ARHGEF4: variants seen among roughly 807,000 people sequenced by gnomAD.
ARHGEF4 encodes the protein Rho guanine nucleotide exchange factor 4.
ARHGEF4 carries 119 observed loss-of-function variants against 162.0 expected under a neutral mutation model. The ratio of observed to expected loss-of-function variants is 0.73; its 90% CI spans 0.63 to 0.86. ARHGEF4 has a LOEUF of 0.86. ARHGEF4 is among the 40% of genes least tolerant of loss of function. The pLI is 0.00. For synonymous variants in ARHGEF4, 1,014 were observed against 979.9 expected (o/e 1.03, Z -0.65); for missense variants, 2,488 against 2,456.0 (o/e 1.01, Z -0.28).
rs2105058269 is a variant in ARHGEF4, at chr2:130,916,589, G to A, written c.2643G>A (p.Gly881=). The change falls in exon 2 of 14, where the codon GGG becomes GGA. Residue 881 remains glycine (G), a synonymous_variant. Coordinates refer to ENST00000409359, the MANE Select transcript of ARHGEF4 (RefSeq NM_001367493.1). ...PAGAGHTGTS[G]DLGSRGPSSE... ...GAGCGGGGCACACGGGGACCTCAGGGGATCTTGGTAGCCGAGGGCCTTCCT... is the reference window on the plus strand; with the variant it reads ...GAGCGGGGCACACGGGGACCTCAGGAGATCTTGGTAGCCGAGGGCCTTCCT... The A allele has an allele frequency of 6.4e-7, 1 of 1,550,548 alleles. No homozygotes were observed. Among genetic ancestry groups the A allele is most frequent in the Non-Finnish European group, 8.7e-7 (1 of 1,146,972 alleles).
chr2:130,952,669 G>A (rs1379871162), intron 4 of ARHGEF4, among the ~76,000 whole-genome samples: 17 of 152,242 alleles, frequency 1.1e-4, no homozygotes, highest in African/African-American at 3.4e-4. Context: ...AAACCCCATC[G>A]TTTCAGCCCA....
chr2:130,873,367 TCAC>T (rs1678614745), intron 1 of ARHGEF4, among the ~76,000 whole-genome samples: 1 of 152,028 alleles, frequency 6.6e-6, no homozygotes, highest in African/African-American at 2.4e-5. Flanking sequence ...GGCGGGTGGA[TCAC>T]CTGAGATCAG....
intron 1 of ARHGEF4, among the ~76,000 whole-genome samples, chr2:130,872,061 G>A (rs1164937757): frequency 1.3e-5 from 2 of 152,242 alleles, no homozygotes; most frequent in Non-Finnish European, 2.9e-5. Context: ...CCGCAGCGCG[G>A]TTCAGGTCAG....
chr2:130,935,898 C>T (rs1682915554), intron 3 of ARHGEF4, among the ~76,000 whole-genome samples: 1 of 152,166 alleles, frequency 6.6e-6, no homozygotes, highest in Non-Finnish European at 1.5e-5. Flanking sequence ...GAAACCCAGT[C>T]TCTACTAAAA....
At chr2:131,002,436 C>T (rs1042490779) in intron 4 of ARHGEF4, among the ~76,000 whole-genome samples, 6 of 151,800 alleles carry the variant, frequency 4.0e-5, no homozygotes, top group Non-Finnish European at 5.9e-5. Flanking sequence ...ATTAGCTGGG[C>T]GTAGTGGCTC....
intron 4 of ARHGEF4, among the ~76,000 whole-genome samples, chr2:131,005,506 C>T (rs183832496): frequency 7.9e-5 from 12 of 152,260 alleles, no homozygotes; most frequent in Non-Finnish European, 1.5e-4. Flanking sequence ...TGTTGAAGTG[C>T]GCCTCTGGGG....
intron 4 of ARHGEF4, among the ~76,000 whole-genome samples, chr2:130,995,888 C>CT (rs1184456550): frequency 0.064 from 8,696 of 136,842 alleles, 384 homozygotes; most frequent in East Asian, 0.19. Flanking sequence ...TATTATTCAC[C>CT]TTTTTTTTTT....
rs10206074 is a variant in ARHGEF4 at position 131,041,776 on chromosome 2, T to A, written c.4896-39T>A. The A allele has an allele frequency of 5.0e-6, 8 of 1,603,182 alleles. No homozygotes were observed. In the African/African-American group the frequency reaches 1.1e-4, roughly 21 times the overall value. ...AGGGGATCCTCACCCTTTCTCTGTC[T>A]CCAGCCTGCAGCAGCCTTCCATCTC... is the stretch of plus-strand genomic sequence containing the variant. On this transcript the variant is annotated intron_variant, in intron 9 of 13. Transcript: ENST00000409359.
At chr2:130,959,014 T>C (rs1684466755) in intron 4 of ARHGEF4, among the ~76,000 whole-genome samples, 1 of 151,866 alleles carries the variant, frequency 6.6e-6, no homozygotes, top group Admixed American at 6.6e-5. Flanking sequence ...TGATCTTGGC[T>C]CACTGCAACC....
At chr2:130,887,786 C>T (rs565735330) in intron 1 of ARHGEF4, among the ~76,000 whole-genome samples, 1 of 152,286 alleles carries the variant, frequency 6.6e-6, no homozygotes, top group South Asian at 2.1e-4. Context: ...GCCCGGCTGT[C>T]CTCACCATGT....
intron 4 of ARHGEF4, among the ~76,000 whole-genome samples, chr2:130,948,854 T>A (rs1683781105): frequency 6.6e-6 from 1 of 152,208 alleles, no homozygotes; most frequent in Non-Finnish European, 1.5e-5. Context: ...TTTTCCTATT[T>A]TGTAAGGATA....
intron 1 of ARHGEF4, among the ~76,000 whole-genome samples, chr2:130,843,920 G>C (rs115564960): frequency 1.1e-4 from 17 of 152,190 alleles, no homozygotes; most frequent in Admixed American, 8.5e-4. Context: ...CTCCAAACTT[G>C]GGTGGAGCAC....
rs140728743 is a variant in ARHGEF4, at chr2:130,959,781, G to C, written c.3985+13146G>C. Among the ~76,000 whole-genome samples, 23 of 152,318 alleles carry C rather than the reference G, an allele frequency of 1.5e-4. 2 individuals carry two copies. In the East Asian group the frequency reaches 4.4e-3, roughly 29 times the overall value. On this transcript the variant is annotated intron_variant, in intron 4 of 13. Transcript: ENST00000409359. Reference sequence around the variant, plus strand: ...AAGAGACAGAACTGAACCCAGGATTGAACCCACATCACTCTGGCCTTTGGC... The same window carrying C: ...AAGAGACAGAACTGAACCCAGGATTCAACCCACATCACTCTGGCCTTTGGC...
chr2:130,966,676 C>G (rs368497531), intron 4 of ARHGEF4, among the ~76,000 whole-genome samples: 1 of 152,298 alleles, frequency 6.6e-6, no homozygotes, highest in Admixed American at 6.5e-5. Context: ...CATGCCGGTC[C>G]GGTGGTGCGT....
At chr2:130,891,019 C>T (rs1193355265) in intron 1 of ARHGEF4, among the ~76,000 whole-genome samples, 1 of 152,152 alleles carries the variant, frequency 6.6e-6, no homozygotes, top group Admixed American at 6.5e-5. Flanking sequence ...TTGATCCTTG[C>T]TTAGAATCTA....
chr2:130,988,055 G>C (rs1004610487), intron 4 of ARHGEF4, among the ~76,000 whole-genome samples: 1 of 152,184 alleles, frequency 6.6e-6, no homozygotes, highest in African/African-American at 2.4e-5. Flanking sequence ...GAGGATTAAA[G>C]GAAGTCATGC....
intron 4 of ARHGEF4, among the ~76,000 whole-genome samples, chr2:130,990,078 A>G (rs1387268383): frequency 2.0e-5 from 3 of 152,274 alleles, no homozygotes; most frequent in Non-Finnish European, 4.4e-5. Context: ...ACAGGAAATT[A>G]GCCCACTTAA....
At chr2:131,043,356 C>T (rs1024129585) in intron 10 of ARHGEF4, 96 bp from the exon 11 acceptor site, 1 of 1,545,562 alleles carries the variant, frequency 6.5e-7, no homozygotes, top group East Asian at 2.3e-5. Context: ...GCAGGCAAGG[C>T]CAGGGGGAGG....
chr2:130,918,414 T>C (rs894713636), intron 2 of ARHGEF4, among the ~76,000 whole-genome samples: 6 of 152,180 alleles, frequency 3.9e-5, no homozygotes, highest in African/African-American at 1.4e-4. Flanking sequence ...TTCTGGAAAT[T>C]GCAGAGCGTG....
Sources: gnomAD v4.1 joint callset for allele counts (sites outside exome capture counted in the v4.1 genomes callset) on GRCh38, gnomAD v4.1.1 for gene constraint, MANE v1.5 for transcripts, NCBI Gene and HGNC (gene_info 2026-07-23, HGNC 2026-07-21) for gene names.